Variants in CFAP299 observed in about 807,000 individuals in gnomAD.
The protein encoded by CFAP299 is cilia- and flagella-associated protein 299.
In CFAP299, 21 loss-of-function variants were observed where a neutral mutation model predicts 27.0. The ratio of observed to expected loss-of-function variants is 0.78; its 90% CI spans 0.55 to 1.12. The LOEUF is 1.12. CFAP299 is among the 50% of genes most tolerant of loss of function. The pLI, the probability that CFAP299 is intolerant of heterozygous loss-of-function variation, is 0.00. For synonymous variants in CFAP299, 104 were observed against 98.1 expected (o/e 1.06, Z -0.36); for missense variants, 310 against 276.6 (o/e 1.12, Z -0.86).
At position 80,776,273 on chromosome 4, in the gene CFAP299, A is replaced by C. The variant is rs139211561; in HGVS notation, c.334-93720A>C. Among the ~76,000 whole-genome samples, 32 of 152,228 alleles carry C rather than the reference A, an allele frequency of 2.1e-4. No individual in the cohort carries two copies. The East Asian group carries it at 4.8e-3, about 23-fold the overall frequency. ...GCTCATCAACCTGCACTCCCATTTC[A>C]CTACAGTGTCAGGCCATAGTGGTTG... On this transcript the variant is annotated intron_variant, in intron 3 of 5. Transcript: ENST00000358105.
chr4:80,439,779 C>T (rs1049924612), intron 2 of CFAP299, among the ~76,000 whole-genome samples: 2 of 152,148 alleles, frequency 1.3e-5, no homozygotes, highest in African/African-American at 4.8e-5. Context: ...AGCCCAGCTG[C>T]CCAGCAAGCT....
intron 3 of CFAP299, among the ~76,000 whole-genome samples, chr4:80,646,814 A>T (rs530534251): frequency 6.1e-4 from 93 of 152,278 alleles, no homozygotes; most frequent in Non-Finnish European, 2.4e-4. Context: ...GATAAACCAT[A>T]TTTAGTTGTG....
chr4:80,473,943 AC>A (rs1341918326), intron 2 of CFAP299, among the ~76,000 whole-genome samples: 4 of 152,108 alleles, frequency 2.6e-5, no homozygotes, highest in Non-Finnish European at 5.9e-5. Flanking sequence ...ACTATTAAAA[AC>A]TTTTACAGTC....
chr4:80,382,420 A>G (rs1414530532), intron 2 of CFAP299, among the ~76,000 whole-genome samples: 3 of 152,232 alleles, frequency 2.0e-5, no homozygotes, highest in African/African-American at 7.2e-5. Flanking sequence ...GAATTGGAGA[A>G]AATTTTTGAA....
At chr4:80,878,786 T>C (rs1041104617) in intron 4 of CFAP299, among the ~76,000 whole-genome samples, 4 of 152,142 alleles carry the variant, frequency 2.6e-5, no homozygotes, top group African/African-American at 9.6e-5. Context: ...CTTGCAGGAA[T>C]TGTACACAAC....
At chr4:80,386,273 GC>G in intron 2 of CFAP299, 1 of 1,225,366 alleles carries the variant, frequency 8.2e-7, no homozygotes. Flanking sequence ...TTGGAGCCCA[GC>G]CCCTCAGCTG....
chr4:80,395,282 A>C (rs1725718351), intron 2 of CFAP299, among the ~76,000 whole-genome samples: 1 of 152,026 alleles, frequency 6.6e-6, no homozygotes, highest in Admixed American at 6.6e-5. Context: ...AAATGTACTA[A>C]ATTTATTAGT....
chr4:80,443,295 A>G (rs950391719), intron 2 of CFAP299, among the ~76,000 whole-genome samples: 98 of 152,314 alleles, frequency 6.4e-4, no homozygotes, highest in African/African-American at 2.2e-3. Context: ...AATACTGGGA[A>G]ACCGAATCCA....
At chr4:80,891,979 G>T (rs1393008715) in intron 4 of CFAP299, among the ~76,000 whole-genome samples, 1 of 151,756 alleles carries the variant, frequency 6.6e-6, no homozygotes, top group East Asian at 1.9e-4. Context: ...AAATACCAAT[G>T]CCATTCTTCA....
chr4:80,632,713 CTT>C (rs71664813), intron 3 of CFAP299, among the ~76,000 whole-genome samples: 18 of 143,868 alleles, frequency 1.3e-4, no homozygotes, highest in African/African-American at 1.0e-4. Flanking sequence ...TATTTTCAAG[CTT>C]TTTTTTTTTT....
At chr4:80,595,463 C>T (rs1478985529) in intron 3 of CFAP299, among the ~76,000 whole-genome samples, 1 of 152,142 alleles carries the variant, frequency 6.6e-6, no homozygotes, top group African/African-American at 2.4e-5. Flanking sequence ...GCCTGCTTCC[C>T]TTTTATTCAT....
chr4:80,572,356 T>C (rs929513317), intron 2 of CFAP299, among the ~76,000 whole-genome samples: 1 of 151,972 alleles, frequency 6.6e-6, no homozygotes, highest in East Asian at 1.9e-4. Flanking sequence ...ACCATCATTC[T>C]ACTCTCTATC....
chr4:80,563,079 G>A (rs1355922337), intron 2 of CFAP299, among the ~76,000 whole-genome samples: 1 of 151,746 alleles, frequency 6.6e-6, no homozygotes, highest in African/African-American at 2.4e-5. Flanking sequence ...AAAGAGAGAG[G>A]TCCCAATACA....
chr4:80,944,439 T>C (rs1737366384), intron 4 of CFAP299, among the ~76,000 whole-genome samples: 1 of 152,176 alleles, frequency 6.6e-6, no homozygotes, highest in African/African-American at 2.4e-5. Context: ...AGAGGTGATT[T>C]AGTGAGCCCT....
At chr4:80,698,055 AT>A (rs1721225290) in intron 3 of CFAP299, among the ~76,000 whole-genome samples, 1 of 152,216 alleles carries the variant, frequency 6.6e-6, no homozygotes, top group Non-Finnish European at 1.5e-5. Flanking sequence ...TGTCAGTGTT[AT>A]ATCTGAATGA....
chr4:80,806,954 G>A (rs903908495), intron 3 of CFAP299, among the ~76,000 whole-genome samples: 3 of 152,078 alleles, frequency 2.0e-5, no homozygotes, highest in African/African-American at 7.2e-5. Flanking sequence ...AAAAATTATA[G>A]ACCTGATTAT....
In CFAP299 at chr4:80,566,477, G is replaced by A. The variant is rs73832422; in HGVS notation, c.243-16616G>A. ...TCTGACTGTTTTCCTCTGGTAAAGC[G>A]TTGCCCCCATTTTACCACAGTTTCC... is the stretch of plus-strand genomic sequence containing the variant. On this transcript the variant is annotated intron_variant, in intron 2 of 5. Transcript: ENST00000358105. Among the ~76,000 whole-genome samples, 889 of 151,984 alleles carry A rather than the reference G, an allele frequency of 5.8e-3. 17 individuals are homozygous for A. Among genetic ancestry groups the A allele is most frequent in the African/African-American group, 0.02 (838 of 41,474 alleles).
chr4:80,863,000 G>T (rs541735350), intron 3 of CFAP299, among the ~76,000 whole-genome samples: 94 of 152,042 alleles, frequency 6.2e-4, no homozygotes, highest in Non-Finnish European at 6.8e-4. Flanking sequence ...ACAAAAAGAA[G>T]GGTCCCTAAA....
At chr4:80,816,033 G>C (rs934248723) in intron 3 of CFAP299, among the ~76,000 whole-genome samples, 1 of 151,696 alleles carries the variant, frequency 6.6e-6, no homozygotes, top group East Asian at 1.9e-4. Flanking sequence ...CCTAGAAAAA[G>C]AAAACTATTA....
Sources: allele counts gnomAD v4.1 joint callset (sites outside exome capture counted in the v4.1 genomes callset), GRCh38; gene constraint gnomAD v4.1.1; transcripts MANE v1.5; gene names NCBI Gene and HGNC (gene_info 2026-07-23, HGNC 2026-07-21).